Variants in APBB2 observed in about 807,000 individuals in gnomAD.
The protein encoded by APBB2 is amyloid beta precursor protein binding family B member 2, also known as Fe65-like 1.
A neutral mutation model predicts 82.5 loss-of-function variants in APBB2; 38 were observed. That is an observed-to-expected ratio of 0.46 (90% CI 0.36 to 0.60). The LOEUF is 0.60. Ranked by LOEUF, APBB2 falls within the 20% of genes least tolerant of loss-of-function variation. The pLI is 0.00. For missense variants in APBB2, 772 were observed against 972.3 expected, an observed-to-expected ratio of 0.79 and a Z score of 2.74; for synonymous variants, 341 against 368.2, an observed-to-expected ratio of 0.93 and a Z score of 0.85.
chr4:40,940,734 C>G (rs1451499694), intron 7 of APBB2, among the ~76,000 whole-genome samples: 1 of 152,190 alleles, frequency 6.6e-6, no homozygotes, highest in African/African-American at 2.4e-5. Context: ...AGCTTCAGAC[C>G]CGCCTTCTCC....
At position 40,822,043 on chromosome 4, in the gene APBB2, T is replaced by G. The variant is rs2154296184; in HGVS notation, c.1940A>C (p.Glu647Ala). 6.2e-7 allele frequency: 1 copy of G among 1,614,164 alleles called. No homozygotes were observed. Among genetic ancestry groups the G allele is most frequent in the Non-Finnish European group, 8.5e-7 (1 of 1,180,014 alleles). The part of the protein sequence containing the change: ...TVTVISEKNE[E>A]EVLVECRVRF... ...CACACGACATTCCACTAAGACTTCC[T>G]CTTCATTCTGCAAGAGACATTATGC... The change falls in exon 17 of 18, where the codon GAG (glutamate) becomes GCG (alanine). Residue 647 changes from glutamate to alanine, a missense_variant. Physicochemically the swap from Glu to Ala is moderately radical, Grantham distance 107. Coordinates refer to ENST00000508593, the MANE Select transcript of APBB2 (RefSeq NM_004307.2).
At chr4:40,825,818 G>T in intron 15 of APBB2, 69 bp downstream of exon 15, 2 of 1,256,002 alleles carry the variant, frequency 1.6e-6, no homozygotes, top group South Asian at 1.2e-5. Flanking sequence ...CACCCTCCTC[G>T]GAGGGCGAAC....
intron 1 of APBB2, among the ~76,000 whole-genome samples, chr4:41,152,671 T>C (rs1762576596): frequency 6.6e-6 from 1 of 152,224 alleles, no homozygotes. Context: ...GCTTGTTTTC[T>C]TGTAGGACTG....
At chr4:40,972,384 C>T (rs968962311) in intron 6 of APBB2, among the ~76,000 whole-genome samples, 6 of 150,896 alleles carry the variant, frequency 4.0e-5, no homozygotes, top group Non-Finnish European at 7.4e-5. Context: ...GCCGAGATGG[C>T]GCCACTGCGC....
intron 6 of APBB2, among the ~76,000 whole-genome samples, chr4:40,961,667 TAAAAAAA>T (rs60942744): frequency 0.11 from 7,493 of 67,952 alleles, 28 homozygotes; most frequent in Middle Eastern, 0.16. Flanking sequence ...AAAAAAGATG[TAAAAAAA>T]AAAAAAAAAA....
chr4:41,056,669 C>T (rs151147333), intron 4 of APBB2, among the ~76,000 whole-genome samples: 169 of 152,334 alleles, frequency 1.1e-3, no homozygotes, highest in Non-Finnish European at 2.0e-3. Context: ...CAAACACAGT[C>T]TCTACCTATT....
At chr4:41,051,607 CAT>C (rs2154460019) in intron 4 of APBB2, among the ~76,000 whole-genome samples, 1 of 152,338 alleles carries the variant, frequency 6.6e-6, no homozygotes, top group East Asian at 1.9e-4. Flanking sequence ...AAGCTAGTAA[CAT>C]GTGAATTCTC....
chr4:41,046,260 C>T (rs1723397546), intron 4 of APBB2, among the ~76,000 whole-genome samples: 1 of 152,156 alleles, frequency 6.6e-6, no homozygotes, highest in Non-Finnish European at 1.5e-5. Context: ...TACTCTATAG[C>T]TCAGAAAACA....
intron 6 of APBB2, among the ~76,000 whole-genome samples, chr4:40,986,470 G>C (rs1218884435): frequency 6.6e-6 from 1 of 152,242 alleles, no homozygotes; most frequent in Non-Finnish European, 1.5e-5. Flanking sequence ...CAGATTTTGT[G>C]TGGGAGAGTA....
chr4:40,982,444 AGAAAGAAAGAAT>A lies in APBB2; in HGVS notation c.835+31127_835+31138del, dbSNP rs1295621581. On this transcript the variant is annotated intron_variant, in intron 6 of 17. Coordinates refer to ENST00000508593, the MANE Select transcript of APBB2 (RefSeq NM_004307.2). ...AAGAAAGAAAGAAAGAAAGAAAGAA[AGAAAGAAAGAAT>A]GAATGAATTTGAGACCAGAGACCAG... Among the ~76,000 whole-genome samples, 149 of 140,624 alleles carry A rather than the reference AGAAAGAAAGAAT, an allele frequency of 1.1e-3. 26 individuals are homozygous for A. Among genetic ancestry groups the A allele is most frequent in the African/African-American group, 2.3e-3 (87 of 37,644 alleles). The allele number at this position is 140,624 out of a possible 152,430, so 92.3% of individuals were successfully genotyped here. A position where few individuals can be genotyped will look rare whatever the true frequency, so the allele number is the denominator to read the frequency against.
intron 1 of APBB2, among the ~76,000 whole-genome samples, chr4:41,203,604 T>C (rs971461109): frequency 2.0e-5 from 3 of 152,114 alleles, no homozygotes; most frequent in Admixed American, 6.5e-5. Context: ...TCCTATCTCA[T>C]TTAGGGAGAG....
intron 10 of APBB2, among the ~76,000 whole-genome samples, chr4:40,897,658 T>C (rs1006214899): frequency 3.9e-5 from 6 of 152,184 alleles, no homozygotes; most frequent in Admixed American, 1.3e-4. Flanking sequence ...TTTCACCCCA[T>C]TCCATGTGGC....
chr4:41,110,580 G>A (rs1315424164), intron 2 of APBB2, among the ~76,000 whole-genome samples: 1 of 149,278 alleles, frequency 6.7e-6, no homozygotes, highest in Admixed American at 6.7e-5. Context: ...TCCAGCCTGG[G>A]CATCAGAGTT....
At position 40,945,022 on chromosome 4, in the gene APBB2, C is replaced by A. The variant is rs761774149; in HGVS notation, c.887G>T (p.Gly296Val). Residue 296 changes from glycine to valine, a missense_variant, in exon 7 of 18, where the codon GGC (glycine) becomes GTC (valine). By Grantham distance (109) the Gly-to-Val change is moderately radical (BLOSUM62 -3). Coordinates refer to ENST00000508593, the MANE Select transcript of APBB2 (RefSeq NM_004307.2). ...SFQTDPDLPP[G>V]WKRVSDIAGT... is the part of the protein sequence containing the mutation. ...GGCAATGTCACTGACTCTTTTCCAG[C>A]CAGGCGGCAAATCTGGATCAGTCTG... The A allele has an allele frequency of 6.2e-7, 1 of 1,612,200 alleles. No homozygotes were observed. Among genetic ancestry groups the A allele is most frequent in the South Asian group, 1.1e-5 (1 of 91,010 alleles).
At chr4:41,070,582 G>GT (rs1463256926) in intron 3 of APBB2, among the ~76,000 whole-genome samples, 1 of 152,176 alleles carries the variant, frequency 6.6e-6, no homozygotes, top group Non-Finnish European at 1.5e-5. Context: ...GACTACAGGC[G>GT]TGAGCCACCA....
At chr4:40,855,746 A>C (rs77906270) in intron 12 of APBB2, among the ~76,000 whole-genome samples, 6 of 149,282 alleles carry the variant, frequency 4.0e-5, no homozygotes, top group Admixed American at 6.7e-5. Context: ...AAAAAAAAAA[A>C]CAAAAAAAAG....
chr4:40,828,439 C>T (rs1000701894), intron 13 of APBB2, among the ~76,000 whole-genome samples: 1 of 152,214 alleles, frequency 6.6e-6, no homozygotes, highest in Admixed American at 6.5e-5. Context: ...CTCTACTCTG[C>T]CTATCTCCAG....
intron 4 of APBB2, among the ~76,000 whole-genome samples, chr4:41,048,364 A>G (rs550616890): frequency 1.3e-5 from 2 of 152,252 alleles, no homozygotes; most frequent in Non-Finnish European, 2.9e-5. Context: ...AACATCTTGT[A>G]TAAGAGACAC....
chr4:41,031,194 C>T (rs1011237629), intron 5 of APBB2, among the ~76,000 whole-genome samples: 1 of 152,054 alleles, frequency 6.6e-6, no homozygotes, highest in African/African-American at 2.4e-5. Context: ...CACTGCACTC[C>T]AGCCTGGGTG....
Sources: allele counts gnomAD v4.1 joint callset (sites outside exome capture counted in the v4.1 genomes callset), GRCh38; gene constraint gnomAD v4.1.1; transcripts MANE v1.5; gene names NCBI Gene and HGNC (gene_info 2026-07-23, HGNC 2026-07-21).